PLEKHG7: variants seen among roughly 807,000 people sequenced by gnomAD.
The protein encoded by PLEKHG7 is pleckstrin homology and RhoGEF domain containing G7, also known as pleckstrin homology domain-containing family G member 7.
In PLEKHG7, 77 loss-of-function variants were observed where a neutral mutation model predicts 85.2. That is an observed-to-expected ratio of 0.90 (90% CI 0.75 to 1.09). The LOEUF (loss-of-function observed/expected upper bound fraction) is 1.09. Among genes scored for constraint, PLEKHG7 ranks in the 50% least tolerant of loss-of-function variants. The pLI, the probability that PLEKHG7 is intolerant of heterozygous loss-of-function variation, is 0.00. For synonymous variants in PLEKHG7, 301 were observed against 302.4 expected (o/e 1.00, Z 0.05); for missense variants, 777 against 804.3 (o/e 0.97, Z 0.41).
At chr12:92,724,464 G>A (rs1363659783) in intron 3 of PLEKHG7, among the ~76,000 whole-genome samples, 1 of 152,144 alleles carries the variant, frequency 6.6e-6, no homozygotes, top group East Asian at 1.9e-4. Flanking sequence ...CTGAAAGATG[G>A]CCTCATCCTT....
intron 7 of PLEKHG7, among the ~76,000 whole-genome samples, chr12:92,739,788 C>A (rs774158865): frequency 6.6e-6 from 1 of 152,094 alleles, no homozygotes; most frequent in African/African-American, 2.4e-5. Flanking sequence ...CCAAATTGTC[C>A]TAATCTATCT....
At chr12:92,763,993 C>G in intron 14 of PLEKHG7, 48 bp from the exon 15 acceptor site, 1 of 1,535,118 alleles carries the variant, frequency 6.5e-7, no homozygotes, top group South Asian at 1.2e-5. Context: ...GATAAGTGTG[C>G]CAATATTTAT....
At chr12:92,748,261 T>TC (rs1218264964) in intron 10 of PLEKHG7, among the ~76,000 whole-genome samples, 4 of 151,830 alleles carry the variant, frequency 2.6e-5, no homozygotes, top group African/African-American at 9.7e-5. Context: ...TTTTTTTTTT[T>TC]TTTGAGACAG....
chr12:92,731,646 C>T (rs184668726), intron 4 of PLEKHG7, among the ~76,000 whole-genome samples: 17 of 152,322 alleles, frequency 1.1e-4, no homozygotes, highest in Admixed American at 5.9e-4. Flanking sequence ...GATTGAATAA[C>T]GGCTTCCTTC....
chr12:92,719,119 G>A (rs1333775623), intron 3 of PLEKHG7, among the ~76,000 whole-genome samples: 2 of 152,114 alleles, frequency 1.3e-5, no homozygotes, highest in African/African-American at 2.4e-5. Flanking sequence ...AACCATAGTC[G>A]AACATACAAA....
intron 9 of PLEKHG7, among the ~76,000 whole-genome samples, chr12:92,743,530 C>T (rs1435376891): frequency 1.3e-5 from 2 of 151,392 alleles, no homozygotes; most frequent in Non-Finnish European, 2.9e-5. Context: ...GATATCTAAG[C>T]CTGACCATTA....
At chr12:92,746,003 A>G (rs1240951856) in intron 10 of PLEKHG7, among the ~76,000 whole-genome samples, 1 of 152,212 alleles carries the variant, frequency 6.6e-6, no homozygotes, top group Non-Finnish European at 1.5e-5. Flanking sequence ...TTCTACATGA[A>G]TGCTGCCCCC....
chr12:92,749,383 C>T (rs1401432550), intron 10 of PLEKHG7, among the ~76,000 whole-genome samples: 1 of 152,114 alleles, frequency 6.6e-6, no homozygotes, highest in South Asian at 2.1e-4. Flanking sequence ...CCTCAGACTC[C>T]TGGGCTCAGG....
At chr12:92,765,396 G>A (rs564351354) in intron 15 of PLEKHG7, among the ~76,000 whole-genome samples, 2 of 151,582 alleles carry the variant, frequency 1.3e-5, no homozygotes, top group African/African-American at 4.8e-5. Flanking sequence ...TTGGGAGCCC[G>A]AGTTGGGCAG....
In PLEKHG7 at chr12:92,769,017, C is replaced by A. The variant is rs554372058; in HGVS notation, c.1905C>A (p.His635Gln). ...TGAGAAATGCTTTTCTTATACAACA[C>A]GAAAACAGATATCGACAGTGTATAG... ...FGLRNAFLIQ[H>Q]ENRYRQCIAA... The change falls in exon 16 of 17, where the codon CAC (histidine) becomes CAA (glutamine). Residue 635 changes from histidine to glutamine, a missense_variant. His to Gln is a conservative substitution (Grantham distance 24). Around this residue, in one of 3 missense-constraint regions of PLEKHG7, gnomAD observed 520 missense variants for 544.0 expected, o/e 0.96. Coordinates refer to ENST00000344636, the MANE Select transcript of PLEKHG7 (RefSeq NM_001377329.1). The A allele has an allele frequency of 2.5e-6, 4 of 1,603,312 alleles. No individual in the cohort carries two copies. The highest frequency in any genetic ancestry group is 3.4e-5 in the Admixed American group (2 of 59,432).
intron 16 of PLEKHG7, 128 bp downstream of exon 16, chr12:92,769,208 G>T (rs1056149655): frequency 1.6e-6 from 1 of 641,592 alleles, no homozygotes; most frequent in African/African-American, 1.9e-5. Flanking sequence ...GGCAGATTTG[G>T]GAGGAGGGGA....
At chr12:92,730,632 G>A (rs768633685) in intron 4 of PLEKHG7, among the ~76,000 whole-genome samples, 1 of 152,326 alleles carries the variant, frequency 6.6e-6, no homozygotes, top group Non-Finnish European at 1.5e-5. Context: ...ATTGGTCAGG[G>A]TGGTGTCGAA....
chr12:92,749,957 A>T lies in PLEKHG7; in HGVS notation c.1252-4133A>T, dbSNP rs372389859. Reference sequence around the variant, plus strand: ...TTTATTTTATATTTTATTTTATTTTATATTTTATTTTATATTTTATTTTAT... The same window carrying T: ...TTTATTTTATATTTTATTTTATTTTTTATTTTATTTTATATTTTATTTTAT... On this transcript the variant is annotated intron_variant, in intron 10 of 16. Transcript: ENST00000344636. 3.8e-3 allele frequency among the ~76,000 whole-genome samples: 457 copies of T among 121,004 alleles called. 6 individuals carry two copies. Among genetic ancestry groups the T allele is most frequent in the African/African-American group, 0.012 (372 of 30,292 alleles). The allele number at this position is 121,004 out of a possible 152,430, so 79.4% of individuals were successfully genotyped here.
rs1306315965 is a variant in PLEKHG7, at chr12:92,736,556, C to T, written c.774C>T (p.Gly258=). 3 of 1,229,158 alleles carry T rather than the reference C, an allele frequency of 2.4e-6. No individual in the cohort carries two copies. The highest frequency in any genetic ancestry group is 3.0e-6 in the Non-Finnish European group (3 of 985,414). 76.1% of individuals were successfully genotyped at this position (1,229,158 alleles called of 1,614,324 possible). Reference sequence around the variant, plus strand: ...CTGTGAAAATTACCAGCTTCAGGGGCTATGACTTCTACGGTCTTAAGGTAT... The same window carrying T: ...CTGTGAAAATTACCAGCTTCAGGGGTTATGACTTCTACGGTCTTAAGGTAT... The part of the protein sequence containing the change: ...LSSVKITSFR[G]YDFYGLKDKT... Residue 258 remains glycine (G), a synonymous_variant, in exon 6 of 17, where the codon GGC becomes GGT. Coordinates refer to ENST00000344636, the MANE Select transcript of PLEKHG7 (RefSeq NM_001377329.1).
At chr12:92,707,750 A>G (rs374508550) in intron 3 of PLEKHG7, 78 bp downstream of exon 3, 52 of 1,604,988 alleles carry the variant, frequency 3.2e-5, no homozygotes, top group Non-Finnish European at 4.3e-5. Flanking sequence ...CTGTCCTGAC[A>G]TAACAAAGCT....
chr12:92,744,333 AG>A (rs1327560095), intron 9 of PLEKHG7, among the ~76,000 whole-genome samples: 11 of 152,218 alleles, frequency 7.2e-5, no homozygotes, highest in Admixed American at 2.6e-4. Context: ...TCCTGAAGAG[AG>A]TGCCTTCCAG....
At chr12:92,761,640 AAG>A (rs1491120756) in intron 13 of PLEKHG7, 110 bp from the exon 14 acceptor site, 7 of 687,680 alleles carry the variant, frequency 1.0e-5, no homozygotes, top group South Asian at 5.6e-5. Flanking sequence ...GAAAGAAAGA[AAG>A]AAAGAAAGAA....
chr12:92,726,432 A>C (rs916857460), intron 3 of PLEKHG7, among the ~76,000 whole-genome samples: 2 of 152,172 alleles, frequency 1.3e-5, no homozygotes, highest in Non-Finnish European at 2.9e-5. Flanking sequence ...TTCTATGTAA[A>C]GTATATATGC....
Position 92,754,138 on chromosome 12 carries a change from CTAGTGG to C in PLEKHG7, c.1301_1306del (p.Leu434_Ala436delinsPro). ...CAGACGGCTCCACGTGCCAGAGCTG[CTAGTGG>C]CCCCACTACAGAGGCTCACTCGATA... On this transcript the variant is annotated inframe_deletion, in exon 11 of 17. Coordinates refer to ENST00000344636, the MANE Select transcript of PLEKHG7 (RefSeq NM_001377329.1). 1 of 1,614,008 alleles carries C rather than the reference CTAGTGG, an allele frequency of 6.2e-7. No individual in the cohort carries two copies. Among genetic ancestry groups the C allele is most frequent in the South Asian group, 1.1e-5 (1 of 91,072 alleles).
Sources: allele counts gnomAD v4.1 joint callset (sites outside exome capture counted in the v4.1 genomes callset), GRCh38; gene constraint gnomAD v4.1.1; regional missense constraint gnomAD v4.1.1; transcripts MANE v1.5; gene names NCBI Gene and HGNC (gene_info 2026-07-23, HGNC 2026-07-21).